The following DLGAP1 variants were observed in gnomAD, a reference collection of about 807,000 sequenced individuals.
DLGAP1 encodes DLG associated protein 1, also known as disks large-associated protein 1.
Under a neutral mutation model 90.8 loss-of-function variants are expected in DLGAP1, and 11 were observed. The observed-to-expected ratio is 0.12, with a 90% confidence interval of 0.08 to 0.20. DLGAP1 has a LOEUF of 0.20. Among genes scored for constraint, DLGAP1 ranks in the 10% least tolerant of loss-of-function variants. The pLI, the probability that DLGAP1 is intolerant of heterozygous loss-of-function variation, is 1.00. For synonymous variants in DLGAP1, 558 were observed against 540.7 expected (o/e 1.03, Z -0.44); for missense variants, 1,050 against 1,333.8 (o/e 0.79, Z 3.31).
chr18:3,691,288 C>T (rs779645711), intron 7 of DLGAP1, among the ~76,000 whole-genome samples: 5 of 151,884 alleles, frequency 3.3e-5, no homozygotes, highest in South Asian at 2.1e-4. Flanking sequence ...ATCTCCACTG[C>T]GTGATGGTGA....
chr18:3,905,334 T>A (rs1424656038), intron 3 of DLGAP1, among the ~76,000 whole-genome samples: 10 of 109,728 alleles, frequency 9.1e-5, no homozygotes, highest in Non-Finnish European at 1.5e-4. Flanking sequence ...GCCACTGCAC[T>A]CCAGCCTGGG....
chr18:4,379,424 A>T (rs892914231), intron 1 of DLGAP1, among the ~76,000 whole-genome samples: 2 of 152,146 alleles, frequency 1.3e-5, no homozygotes, highest in African/African-American at 4.8e-5. Flanking sequence ...TCTGTGTCTT[A>T]GATACCTGAT....
chr18:3,963,559 A>G (rs537391645), intron 3 of DLGAP1, among the ~76,000 whole-genome samples: 1 of 136,814 alleles, frequency 7.3e-6, no homozygotes, highest in African/African-American at 2.7e-5. Context: ...TTGAAGCTCC[A>G]TTCTCTTCTG....
At chr18:3,896,299 C>T (rs1201223424) in intron 3 of DLGAP1, 2 of 152,154 alleles carry the variant, frequency 1.3e-5, no homozygotes, top group African/African-American at 4.8e-5. Flanking sequence ...CTGCTAAGCA[C>T]CAAGAGACGC....
intron 1 of DLGAP1, among the ~76,000 whole-genome samples, chr18:4,407,009 A>T (rs549981690): frequency 7.2e-5 from 11 of 152,298 alleles, no homozygotes; most frequent in African/African-American, 2.6e-4. Flanking sequence ...TCCTTTTAAA[A>T]TTGCACTCTC....
intron 4 of DLGAP1, among the ~76,000 whole-genome samples, chr18:3,857,891 C>T (rs539315884): frequency 6.6e-6 from 1 of 152,292 alleles, no homozygotes; most frequent in East Asian, 1.9e-4. Flanking sequence ...TCATCCACCC[C>T]ACTCAATTCT....
chr18:3,643,053 A>C (rs747037902), intron 7 of DLGAP1, among the ~76,000 whole-genome samples: 17 of 152,222 alleles, frequency 1.1e-4, no homozygotes, highest in Non-Finnish European at 2.2e-4. Flanking sequence ...ACATCCATAG[A>C]AGATTGTGTG....
At position 3,567,570 on chromosome 18, in the gene DLGAP1, A is replaced by G. The variant is rs61732678; in HGVS notation, c.1977T>C (p.Ala659=). ...TCTCCCCTGTTTTGTCAGGTTCTTC[A>G]GCATCATCCACCTGGAGAAATCATC... ...CLSIGIQVDD[A]EEPDKTGENK... Residue 659 remains alanine (A), a synonymous_variant, in exon 9 of 13, where the codon GCT becomes GCC. Coordinates refer to ENST00000315677, the MANE Select transcript of DLGAP1 (RefSeq NM_004746.4). 3,423 of 1,613,884 alleles carry G rather than the reference A, an allele frequency of 2.1e-3. 57 individuals are homozygous for G. In the African/African-American group the frequency reaches 0.041, roughly 20 times the overall value.
chr18:4,225,020 C>T (rs750631932), intron 1 of DLGAP1, among the ~76,000 whole-genome samples: 10 of 152,016 alleles, frequency 6.6e-5, no homozygotes, highest in Non-Finnish European at 1.3e-4. Flanking sequence ...CATGCATGCA[C>T]ACACAGATAC....
intron 2 of DLGAP1, among the ~76,000 whole-genome samples, chr18:4,033,928 A>G (rs2074842606): frequency 6.6e-6 from 1 of 150,696 alleles, no homozygotes; most frequent in South Asian, 2.1e-4. Context: ...TAGTAGAGAC[A>G]AGGTTTCACT....
At chr18:3,799,191 A>G (rs2066164861) in intron 5 of DLGAP1, among the ~76,000 whole-genome samples, 2 of 152,218 alleles carry the variant, frequency 1.3e-5, no homozygotes, top group Non-Finnish European at 2.9e-5. Flanking sequence ...TTAAAAATGA[A>G]AAAGAAAAAG....
chr18:3,638,221 A>G (rs1338957478), intron 7 of DLGAP1, among the ~76,000 whole-genome samples: 2 of 149,218 alleles, frequency 1.3e-5, no homozygotes, highest in African/African-American at 5.0e-5. Context: ...TGCTGGGATT[A>G]CAGGCGTGAG....
chr18:3,540,295 C>T (rs1423446339), intron 9 of DLGAP1, among the ~76,000 whole-genome samples: 4 of 151,408 alleles, frequency 2.6e-5, no homozygotes, highest in African/African-American at 9.7e-5. Context: ...GGCAAAATCC[C>T]GTCTCCACTA....
chr18:3,742,477 C>A lies in DLGAP1; in HGVS notation c.1208G>T (p.Arg403Leu). The A allele has an allele frequency of 6.2e-7, 1 of 1,614,122 alleles. No individual in the cohort carries two copies. Among genetic ancestry groups the A allele is most frequent in the Non-Finnish European group, 8.5e-7 (1 of 1,180,030 alleles). ...CACTGCCCTCAGGTAACTATGACTC[C>A]GGATCTGGAGTTTGGGTGAGTGTTC... ...SNEHSPKLQI[R>L]SHSYLRAVSE... The change falls in exon 6 of 13, where the codon CGG becomes CTG. Residue 403 changes from arginine to leucine, a missense_variant. Arg to Leu is a moderately radical substitution (Grantham distance 102). This residue lies in a region of DLGAP1 where 565 missense variants were observed against 879.7 expected (regional missense o/e 0.64). Coordinates refer to ENST00000315677, the MANE Select transcript of DLGAP1 (RefSeq NM_004746.4).
intron 5 of DLGAP1, among the ~76,000 whole-genome samples, chr18:3,793,767 T>C (rs555227012): frequency 3.7e-4 from 56 of 152,298 alleles, no homozygotes; most frequent in South Asian, 6.2e-4. Context: ...CACTTTCCCC[T>C]TGCACAGCTG....
chr18:3,528,881 TC>T (rs2144365823), intron 10 of DLGAP1, among the ~76,000 whole-genome samples: 1 of 151,978 alleles, frequency 6.6e-6, no homozygotes, highest in African/African-American at 2.4e-5. Context: ...GAGAAAGCCT[TC>T]AAGTGTTTGT....
At chr18:4,115,477 C>CCTTT (rs71368730) in intron 2 of DLGAP1, among the ~76,000 whole-genome samples, 1,906 of 145,500 alleles carry the variant, frequency 0.013, 109 homozygotes, top group African/African-American at 0.048. Context: ...TCATTTTCTT[C>CCTTT]CTTTCTTTCT....
At chr18:4,037,802 A>G (rs1188207002) in intron 2 of DLGAP1, among the ~76,000 whole-genome samples, 1 of 152,192 alleles carries the variant, frequency 6.6e-6, no homozygotes, top group Non-Finnish European at 1.5e-5. Flanking sequence ...TCTACCAAAG[A>G]TACAAAAATT....
chr18:3,780,730 T>C (rs1336262238), intron 5 of DLGAP1, among the ~76,000 whole-genome samples: 1 of 152,256 alleles, frequency 6.6e-6, no homozygotes, highest in Admixed American at 6.5e-5. Context: ...CAGGCTATTA[T>C]TCTGTCTGCC....
Sources: allele counts gnomAD v4.1 joint callset (sites outside exome capture counted in the v4.1 genomes callset), GRCh38; gene constraint gnomAD v4.1.1; regional missense constraint gnomAD v4.1.1; transcripts MANE v1.5; gene names NCBI Gene and HGNC (gene_info 2026-07-23, HGNC 2026-07-21).